Variants in CTNNA3 observed in about 807,000 individuals in gnomAD.
CTNNA3 encodes catenin alpha 3.
A neutral mutation model predicts 95.7 loss-of-function variants in CTNNA3; 76 were observed. The observed-to-expected ratio is 0.79, with a 90% confidence interval of 0.66 to 0.96. The LOEUF is 0.96. Ranked by LOEUF, CTNNA3 falls within the 40% of genes least tolerant of loss-of-function variation. The pLI is 0.00. For synonymous variants in CTNNA3, 431 were observed against 374.4 expected (o/e 1.15, Z -1.74); for missense variants, 1,191 against 1,089.8 (o/e 1.09, Z -1.31).
chr10:66,920,359 G>T (rs918519532), intron 7 of CTNNA3, among the ~76,000 whole-genome samples: 1 of 152,172 alleles, frequency 6.6e-6, no homozygotes, highest in African/African-American at 2.4e-5. Context: ...AATTCCAAAT[G>T]TCAACTGACA....
intron 1 of CTNNA3, among the ~76,000 whole-genome samples, chr10:67,718,363 T>G (rs376174105): frequency 2.6e-5 from 4 of 152,336 alleles, no homozygotes; most frequent in Admixed American, 6.5e-5. Flanking sequence ...TGAGTAGTGG[T>G]GAGAGAGGGC....
chr10:65,951,512 A>T (rs1175773555), intron 17 of CTNNA3, among the ~76,000 whole-genome samples: 1 of 152,062 alleles, frequency 6.6e-6, no homozygotes, highest in Non-Finnish European at 1.5e-5. Flanking sequence ...CATCACTATT[A>T]TTAATACTGT....
intron 2 of CTNNA3, among the ~76,000 whole-genome samples, chr10:67,630,763 A>C (rs961275626): frequency 6.6e-6 from 1 of 152,182 alleles, no homozygotes; most frequent in East Asian, 1.9e-4. Context: ...AAAACATGGG[A>C]TATATTTACA....
At chr10:67,603,776 C>T (rs1010482764) in intron 3 of CTNNA3, among the ~76,000 whole-genome samples, 11 of 151,884 alleles carry the variant, frequency 7.2e-5, no homozygotes, top group East Asian at 1.9e-4. Flanking sequence ...CAGTAAGCTA[C>T]GGTTAACTTA....
At chr10:67,004,797 C>A (rs1488053353) in intron 7 of CTNNA3, among the ~76,000 whole-genome samples, 1 of 152,176 alleles carries the variant, frequency 6.6e-6, no homozygotes, top group East Asian at 1.9e-4. Context: ...GGGAACTCTG[C>A]AAGTTTCTTG....
At chr10:66,538,177 T>G (rs2132069096) in intron 10 of CTNNA3, among the ~76,000 whole-genome samples, 1 of 152,264 alleles carries the variant, frequency 6.6e-6, no homozygotes. Context: ...ACACAATTTT[T>G]TATTTTCCTT....
chr10:67,442,963 A>T (rs1198885627), intron 5 of CTNNA3, among the ~76,000 whole-genome samples: 1 of 106,190 alleles, frequency 9.4e-6, no homozygotes, highest in African/African-American at 3.8e-5. Flanking sequence ...ACCCCACAAC[A>T]GTCCCCAGAG....
intron 4 of CTNNA3, among the ~76,000 whole-genome samples, chr10:67,524,014 T>C (rs1024733849): frequency 2.0e-5 from 3 of 152,188 alleles, no homozygotes; most frequent in Non-Finnish European, 4.4e-5. Flanking sequence ...CTAAGAAATA[T>C]TAGCTCTACT....
intron 1 of CTNNA3, among the ~76,000 whole-genome samples, chr10:67,690,966 C>T (rs1298689852): frequency 6.6e-6 from 1 of 152,196 alleles, no homozygotes; most frequent in Non-Finnish European, 1.5e-5. Context: ...GTACTGCTGC[C>T]ATCTCGGCTC....
chr10:67,499,196 G>GT (rs1352548735), intron 5 of CTNNA3, among the ~76,000 whole-genome samples: 127 of 152,166 alleles, frequency 8.3e-4, no homozygotes, highest in South Asian at 3.7e-3. Flanking sequence ...AGATATTCAT[G>GT]GGTTTTGTCG....
chr10:66,392,212 C>G (rs760333326), intron 11 of CTNNA3, among the ~76,000 whole-genome samples: 1 of 152,006 alleles, frequency 6.6e-6, no homozygotes, highest in South Asian at 2.1e-4. Context: ...GGGCAGATCA[C>G]AAGGTCAGGA....
chr10:67,353,493 A>AC lies in CTNNA3; in HGVS notation c.580-133624_580-133623insG, dbSNP rs1321948783. Among the ~76,000 whole-genome samples, 1,210 of 146,356 alleles carry AC rather than the reference A, an allele frequency of 8.3e-3. 26 individuals are homozygous for AC. Among genetic ancestry groups the AC allele is most frequent in the African/African-American group, 0.028 (1,144 of 40,592 alleles). ...CCTGTTATGCACGTTACATAGTCTT[A>AC]AAGATTGCTAGTAATTCAATAGTTA... On this transcript the variant is annotated intron_variant, in intron 5 of 17. Transcript: ENST00000433211.
chr10:67,445,102 T>C (rs1846691708), intron 5 of CTNNA3, among the ~76,000 whole-genome samples: 1 of 149,734 alleles, frequency 6.7e-6, no homozygotes, highest in Non-Finnish European at 1.5e-5. Context: ...ATGAGGCGAG[T>C]ATTACCCTGA....
intron 7 of CTNNA3, among the ~76,000 whole-genome samples, chr10:66,857,417 TA>T (rs1564727501): frequency 1.2e-4 from 19 of 152,094 alleles, no homozygotes; most frequent in African/African-American, 4.1e-4. Flanking sequence ...ACATGAACTT[TA>T]AAATAGTTTT....
chr10:66,803,962 T>G (rs1841540323), intron 7 of CTNNA3, among the ~76,000 whole-genome samples: 2 of 143,056 alleles, frequency 1.4e-5, no homozygotes, highest in Non-Finnish European at 3.1e-5. Context: ...TGCCAGTTGT[T>G]TTTTTTTTTT....
intron 12 of CTNNA3, among the ~76,000 whole-genome samples, chr10:66,350,384 T>G (rs1469477403): frequency 6.6e-6 from 1 of 152,120 alleles, no homozygotes; most frequent in East Asian, 1.9e-4. Context: ...GATTATACTT[T>G]TTAGCATTTG....
chr10:66,492,209 A>C (rs2131938376), intron 11 of CTNNA3, among the ~76,000 whole-genome samples: 1 of 152,230 alleles, frequency 6.6e-6, no homozygotes, highest in Non-Finnish European at 1.5e-5. Flanking sequence ...TTCATCTCTT[A>C]ATCTAGAAAC....
chr10:66,782,423 A>G (rs909583555), intron 7 of CTNNA3, among the ~76,000 whole-genome samples: 8 of 152,098 alleles, frequency 5.3e-5, no homozygotes, highest in Non-Finnish European at 1.0e-4. Flanking sequence ...AAAATTCTTA[A>G]TTCATAATCT....
At chr10:66,099,369 G>T (rs2081525759) in intron 14 of CTNNA3, among the ~76,000 whole-genome samples, 1 of 152,144 alleles carries the variant, frequency 6.6e-6, no homozygotes, top group Admixed American at 6.6e-5. Flanking sequence ...ATTACAGCTA[G>T]AATGTGACAA....
Sources: gnomAD v4.1 joint callset for allele counts (sites outside exome capture counted in the v4.1 genomes callset) on GRCh38, gnomAD v4.1.1 for gene constraint, MANE v1.5 for transcripts, NCBI Gene and HGNC (gene_info 2026-07-23, HGNC 2026-07-21) for gene names.